ARL15: variants seen among roughly 807,000 people sequenced by gnomAD.
ARL15 encodes the protein ARF like GTPase 15, also known as ADP-ribosylation factor-like protein 15.
Under a neutral mutation model 25.2 loss-of-function variants are expected in ARL15, and 19 were observed. That is an observed-to-expected ratio of 0.75 (90% CI 0.53 to 1.10). The LOEUF is 1.10. ARL15 is among the 50% of genes least tolerant of loss of function. ARL15 has a pLI of 0.00. For missense variants in ARL15, 220 were observed against 246.0 expected (o/e 0.89, Z 0.71); for synonymous variants, 94 against 86.8 (o/e 1.08, Z -0.46).
Position 54,171,792 on chromosome 5 carries a change from G to GAC in ARL15, c.183_184dup (p.Ser62CysfsTer18). 2 of 1,612,220 alleles carry GAC rather than the reference G, an allele frequency of 1.2e-6. No homozygotes were observed. On this transcript the variant is annotated frameshift_variant, in exon 2 of 5. Transcript: ENST00000504924. LOFTEE classifies it high-confidence loss of function. ...CCCAGCACAGTACCCACCTGTGGTC[G>GAC]ACACGACGTTATCGGGGCTTTCACT...
At chr5:54,074,176 G>A (rs544173575) in intron 4 of ARL15, among the ~76,000 whole-genome samples, 1 of 152,256 alleles carries the variant, frequency 6.6e-6, no homozygotes, top group South Asian at 2.1e-4. Flanking sequence ...GTGGGTGGTG[G>A]GAAATCCTGT....
At position 54,070,646 on chromosome 5, in the gene ARL15, G is replaced by A. The variant is rs10044698; in HGVS notation, c.462+42556C>T. ...ACCTGAGGTCAGGAGATCAACACCA[G>A]CCTGGCCAACATGGTGAAACCCTGT... On this transcript the variant is annotated intron_variant, in intron 4 of 4. Transcript: ENST00000504924. Among the ~76,000 whole-genome samples, 637 of 152,024 alleles carry A rather than the reference G, an allele frequency of 4.2e-3. 4 individuals are homozygous for A. Among genetic ancestry groups the A allele is most frequent in the African/African-American group, 0.015 (608 of 41,474 alleles).
At chr5:54,062,168 C>A (rs1041062048) in intron 4 of ARL15, among the ~76,000 whole-genome samples, 1 of 152,160 alleles carries the variant, frequency 6.6e-6, no homozygotes, top group Non-Finnish European at 1.5e-5. Context: ...CCGCATTGTA[C>A]GTAGGAAGTA....
At chr5:53,995,915 A>C (rs566145245) in intron 4 of ARL15, among the ~76,000 whole-genome samples, 2 of 152,320 alleles carry the variant, frequency 1.3e-5, no homozygotes, top group African/African-American at 4.8e-5. Context: ...AAACAGAATA[A>C]GGGTGAAATG....
intron 4 of ARL15, among the ~76,000 whole-genome samples, chr5:54,038,399 T>C (rs1332473118): frequency 6.6e-6 from 1 of 152,092 alleles, no homozygotes; most frequent in Non-Finnish European, 1.5e-5. Flanking sequence ...CAAGATGAAC[T>C]TAAGTTTACT....
chr5:54,058,254 C>T (rs979552507), intron 4 of ARL15, among the ~76,000 whole-genome samples: 1 of 152,122 alleles, frequency 6.6e-6, no homozygotes, highest in African/African-American at 2.4e-5. Context: ...GATCTGCCCG[C>T]CTCGGCCTCC....
intron 4 of ARL15, among the ~76,000 whole-genome samples, chr5:54,055,400 G>T (rs1332475337): frequency 8.8e-6 from 1 of 113,222 alleles, no homozygotes; most frequent in East Asian, 2.8e-4. Context: ...TTGCTCTGTC[G>T]CCCAGGCTGG....
chr5:54,263,052 G>T (rs1757534141), intron 1 of ARL15, among the ~76,000 whole-genome samples: 1 of 152,178 alleles, frequency 6.6e-6, no homozygotes, highest in African/African-American at 2.4e-5. Flanking sequence ...GCCACCATTG[G>T]TGGGAAAATG....
At chr5:54,297,553 G>T (rs568162032) in intron 1 of ARL15, among the ~76,000 whole-genome samples, 2 of 152,304 alleles carry the variant, frequency 1.3e-5, no homozygotes, top group Admixed American at 1.3e-4. Flanking sequence ...GCTAAAATGG[G>T]CTCTGTGATC....
chr5:54,171,473 A>G (rs1187898901), intron 2 of ARL15, among the ~76,000 whole-genome samples: 2 of 152,134 alleles, frequency 1.3e-5, no homozygotes, highest in Admixed American at 6.6e-5. Context: ...AAAGTACTCT[A>G]TGGGCCCAAG....
chr5:53,988,561 GGTATTGAATCAA>G (rs1451568450), intron 4 of ARL15, among the ~76,000 whole-genome samples: 2 of 151,980 alleles, frequency 1.3e-5, no homozygotes, highest in African/African-American at 2.4e-5. Flanking sequence ...ATATTTATAG[GGTATTGAATCAA>G]GTATTGAATC....
At chr5:54,050,869 G>A (rs1561203229) in intron 4 of ARL15, among the ~76,000 whole-genome samples, 1 of 151,984 alleles carries the variant, frequency 6.6e-6, no homozygotes, top group Non-Finnish European at 1.5e-5. Flanking sequence ...TTAATCTTCT[G>A]CTTCTGATCC....
chr5:54,166,405 T>G (rs1274210184), intron 2 of ARL15, among the ~76,000 whole-genome samples: 1 of 152,100 alleles, frequency 6.6e-6, no homozygotes, highest in Admixed American at 6.6e-5. Flanking sequence ...CTTACTATGT[T>G]GCCCAAGCTG....
chr5:54,091,268 C>A (rs1752119702), intron 4 of ARL15, among the ~76,000 whole-genome samples: 1 of 152,152 alleles, frequency 6.6e-6, no homozygotes, highest in Non-Finnish European at 1.5e-5. Flanking sequence ...GCCAAACAAC[C>A]TTTTGGCAAA....
intron 4 of ARL15, among the ~76,000 whole-genome samples, chr5:54,086,873 T>C (rs392714): frequency 0.29 from 44,213 of 152,082 alleles, 6,699 homozygotes; most frequent in East Asian, 0.51. Flanking sequence ...AACAGTAGTA[T>C]AAACAAAACA....
chr5:53,902,145 T>C (rs1310489835), intron 4 of ARL15, among the ~76,000 whole-genome samples: 2 of 152,236 alleles, frequency 1.3e-5, no homozygotes, highest in African/African-American at 4.8e-5. Flanking sequence ...AAGTCTACTC[T>C]ATCTTTTAAA....
intron 4 of ARL15, among the ~76,000 whole-genome samples, chr5:53,995,416 T>G (rs900260807): frequency 6.6e-6 from 1 of 151,510 alleles, no homozygotes; most frequent in Non-Finnish European, 1.5e-5. Context: ...ATTAGGGGTG[T>G]GCAATAAATG....
chr5:54,126,123 G>C (rs938556265), intron 3 of ARL15, among the ~76,000 whole-genome samples: 1 of 152,064 alleles, frequency 6.6e-6, no homozygotes, highest in Non-Finnish European at 1.5e-5. Context: ...CCAAAATTCT[G>C]TTCATCAGCT....
chr5:54,042,454 ATCTAAGCT>A (rs1750371650), intron 4 of ARL15, among the ~76,000 whole-genome samples: 1 of 152,172 alleles, frequency 6.6e-6, no homozygotes, highest in African/African-American at 2.4e-5. Flanking sequence ...AGATCTTTAA[ATCTAAGCT>A]TCTGTAATTA....
Sources: gnomAD v4.1 joint callset for allele counts (sites outside exome capture counted in the v4.1 genomes callset) on GRCh38, gnomAD v4.1.1 for gene constraint, MANE v1.5 for transcripts, NCBI Gene and HGNC (gene_info 2026-07-23, HGNC 2026-07-21) for gene names.